WDR49: variants seen among roughly 807,000 people sequenced by gnomAD.
WDR49 encodes cilia- and flagella-associated protein 337.
Under a neutral mutation model 119.5 loss-of-function variants are expected in WDR49, and 107 were observed. The ratio of observed to expected loss-of-function variants is 0.90; its 90% confidence interval spans 0.77 to 1.05. WDR49 has a LOEUF of 1.05. WDR49 is among the 50% of genes least tolerant of loss of function. WDR49 has a pLI of 0.00. For synonymous variants in WDR49, 425 were observed against 418.8 expected, an observed-to-expected ratio of 1.01 and a Z score of -0.18; for missense variants, 1,240 against 1,220.5, an observed-to-expected ratio of 1.02 and a Z score of -0.24.
At chr3:167,588,659 T>C (rs1714944728) in intron 7 of WDR49, among the ~76,000 whole-genome samples, 1 of 152,152 alleles carries the variant, frequency 6.6e-6, no homozygotes, top group Admixed American at 6.5e-5. Context: ...TGATATCTCA[T>C]TGTAATTTTG....
chr3:167,612,350 G>C (rs1261729535), intron 5 of WDR49, among the ~76,000 whole-genome samples: 1 of 151,322 alleles, frequency 6.6e-6, no homozygotes, highest in Admixed American at 6.6e-5. Context: ...GAAGTTTATA[G>C]CTGAAAGTGC....
At chr3:167,490,411 T>C (rs994058769) in intron 18 of WDR49, among the ~76,000 whole-genome samples, 2 of 152,156 alleles carry the variant, frequency 1.3e-5, no homozygotes, top group Non-Finnish European at 2.9e-5. Context: ...TTCTGTTCAT[T>C]CTGGATGTTT....
chr3:167,532,836 G>T, intron 12 of WDR49, 43 bp downstream of exon 12: 1 of 1,465,498 alleles, frequency 6.8e-7, no homozygotes, highest in Non-Finnish European at 9.5e-7. Context: ...GGCCTACTGT[G>T]ATTTGACTAG....
chr3:167,596,075 T>C (rs1456402076), intron 7 of WDR49, among the ~76,000 whole-genome samples: 79 of 147,156 alleles, frequency 5.4e-4, no homozygotes, highest in African/African-American at 1.9e-3. Context: ...GAACAGACAC[T>C]TCTCAAAAGA....
At chr3:167,566,778 G>C (rs116755675) in intron 8 of WDR49, 11,538 of 589,596 alleles carry the variant, frequency 0.02, 314 homozygotes, top group Admixed American at 0.083. Context: ...AAGTAAGCTA[G>C]AGAAAAGAAA....
At chr3:167,567,289 T>A (rs908039835) in intron 8 of WDR49, among the ~76,000 whole-genome samples, 3 of 152,222 alleles carry the variant, frequency 2.0e-5, no homozygotes, top group African/African-American at 7.2e-5. Context: ...AAAGCACTCA[T>A]CTTCATCAAG....
chr3:167,592,428 T>C (rs1004037053), intron 7 of WDR49, among the ~76,000 whole-genome samples: 7 of 148,150 alleles, frequency 4.7e-5, no homozygotes, highest in African/African-American at 7.6e-5. Context: ...ATGATTTCTT[T>C]TTCTTTTTCT....
intron 2 of WDR49, among the ~76,000 whole-genome samples, chr3:167,627,656 C>T (rs1022274208): frequency 2.6e-5 from 4 of 152,020 alleles, no homozygotes; most frequent in African/African-American, 4.8e-5. Flanking sequence ...TCCCCTAGAA[C>T]CTGCAGAAGA....
chr3:167,560,144 C>G lies in WDR49; in HGVS notation c.1594G>C (p.Gly532Arg), dbSNP rs201206022. The G allele has an allele frequency of 6.2e-7, 1 of 1,614,116 alleles. No individual in the cohort carries two copies. Among genetic ancestry groups the G allele is most frequent in the Non-Finnish European group, 8.5e-7 (1 of 1,180,024 alleles). ...GCCATAGTGCTGATTTCTGCGTTGC[C>G]GTGGCAACCAGTAAACTGTTTGATT... ...QKIKQFTGCH[G>R]NAEISTMALD... Residue 532 changes from glycine (G) to arginine (R), a missense_variant, in exon 9 of 19, where the codon GGC becomes CGC. By Grantham distance (125) the Gly-to-Arg change is moderately radical. Coordinates refer to ENST00000682715, the MANE Select transcript of WDR49 (RefSeq NM_001366157.1).
At chr3:167,483,829 A>C (rs1290906073) in intron 18 of WDR49, among the ~76,000 whole-genome samples, 2 of 152,144 alleles carry the variant, frequency 1.3e-5, no homozygotes, top group African/African-American at 4.8e-5. Context: ...AAGGGTCTTT[A>C]TAGATGAGGC....
At chr3:167,574,072 T>G (rs979574768) in intron 8 of WDR49, among the ~76,000 whole-genome samples, 13 of 152,204 alleles carry the variant, frequency 8.5e-5, no homozygotes, top group Admixed American at 7.2e-4. Flanking sequence ...CTACTTCATT[T>G]TACTATGTTC....
At chr3:167,600,240 G>T (rs1399808137) in intron 7 of WDR49, among the ~76,000 whole-genome samples, 1 of 152,088 alleles carries the variant, frequency 6.6e-6, no homozygotes, top group Non-Finnish European at 1.5e-5. Context: ...TCCTTTAGCT[G>T]CCCTGGCTGG....
intron 17 of WDR49, among the ~76,000 whole-genome samples, chr3:167,503,187 C>T (rs1751641336): frequency 6.6e-6 from 1 of 152,228 alleles, no homozygotes; most frequent in Non-Finnish European, 1.5e-5. Flanking sequence ...TGGTGTTAAG[C>T]CTGCAGGTAC....
At chr3:167,509,939 CAGT>C (rs201144686) in intron 16 of WDR49, among the ~76,000 whole-genome samples, 38,907 of 144,992 alleles carry the variant, frequency 0.27, 5,055 homozygotes, top group South Asian at 0.3. Context: ...TACTAAGTCA[CAGT>C]TATTTTTATA....
intron 18 of WDR49, among the ~76,000 whole-genome samples, chr3:167,489,831 C>T (rs1448892252): frequency 2.6e-5 from 4 of 152,128 alleles, no homozygotes; most frequent in African/African-American, 9.7e-5. Flanking sequence ...ATTCTGAAAA[C>T]TCCTTTCTAA....
Position 167,521,991 on chromosome 3 carries a change from TAG to T in WDR49, c.2774+322_2774+323del, listed in dbSNP as rs1491396774. On this transcript the variant is annotated intron_variant, in intron 16 of 18. Coordinates refer to ENST00000682715, the MANE Select transcript of WDR49 (RefSeq NM_001366157.1). ...ATAGATAGATAGATAGATAGATAGATAGATAGATAGATAGATAGATAGATAGA... is the reference window on the plus strand; with the variant it reads ...ATAGATAGATAGATAGATAGATAGATATAGATAGATAGATAGATAGATAGA... 4.2e-4 allele frequency among the ~76,000 whole-genome samples: 60 copies of T among 141,638 alleles called. No individual in the cohort carries two copies. The East Asian group carries it at 0.01, about 24-fold the overall frequency. 92.9% of individuals were successfully genotyped at this position (141,638 alleles called of 152,430 possible).
At chr3:167,549,405 T>C (rs1011553121) in intron 10 of WDR49, among the ~76,000 whole-genome samples, 2 of 152,218 alleles carry the variant, frequency 1.3e-5, no homozygotes, top group African/African-American at 2.4e-5. Flanking sequence ...TGAGATGGTA[T>C]CTCATTGTGG....
chr3:167,597,714 A>C (rs1715555076), intron 7 of WDR49, among the ~76,000 whole-genome samples: 1 of 152,144 alleles, frequency 6.6e-6, no homozygotes. Context: ...ACATGGAGTA[A>C]AAGGAAATTT....
chr3:167,486,899 A>G (rs1750942684), intron 18 of WDR49, among the ~76,000 whole-genome samples: 1 of 152,162 alleles, frequency 6.6e-6, no homozygotes. Context: ...CAACTATAGA[A>G]CACCCCATGG....
Sources: gnomAD v4.1 joint callset for allele counts (sites outside exome capture counted in the v4.1 genomes callset) on GRCh38, gnomAD v4.1.1 for gene constraint, MANE v1.5 for transcripts, NCBI Gene and HGNC (gene_info 2026-07-23, HGNC 2026-07-21) for gene names.